Variants in CDH12 observed in about 807,000 individuals in gnomAD.
CDH12 encodes the protein cadherin 12.
In CDH12, 41 loss-of-function variants were observed where a neutral mutation model predicts 74.1. The ratio of observed to expected loss-of-function variants is 0.55; its 90% CI spans 0.43 to 0.72. The LOEUF (loss-of-function observed/expected upper bound fraction) is 0.72. Among genes scored for constraint, CDH12 ranks in the 30% least tolerant of loss-of-function variants. The pLI, the probability that CDH12 is intolerant of heterozygous loss-of-function variation, is 0.00. For synonymous variants in CDH12, 399 were observed against 355.0 expected (o/e 1.12, Z -1.39); for missense variants, 945 against 977.2 (o/e 0.97, Z 0.44).
intron 2 of CDH12, among the ~76,000 whole-genome samples, chr5:22,432,303 T>C (rs534883616): frequency 2.2e-4 from 33 of 152,238 alleles, no homozygotes; most frequent in Non-Finnish European, 3.2e-4. Context: ...TAGTAGGCTA[T>C]ACCAGCTAAG....
At position 22,009,248 on chromosome 5, in the gene CDH12, C is replaced by T. The variant is rs139661082; in HGVS notation, c.232-33863G>A. Among the ~76,000 whole-genome samples the T allele has an allele frequency of 7.0e-3, 1,064 of 152,304 alleles. 19 individuals are homozygous for T. Among genetic ancestry groups the T allele is most frequent in the South Asian group, 0.061 (293 of 4,832 alleles). On this transcript the variant is annotated intron_variant, in intron 5 of 14. Coordinates refer to ENST00000382254, the MANE Select transcript of CDH12 (RefSeq NM_004061.5). ...TGAATAAGCGAAACAGAATTAATAA[C>T]GCCAGCTCATCCTTGTAGGATGTGC...
rs546556904 is a variant in CDH12 at position 22,310,453 on chromosome 5, ACT to A, written c.-333+94802_-333+94803del. 3.5e-4 allele frequency among the ~76,000 whole-genome samples: 42 copies of A among 119,104 alleles called. 1 individual carries two copies. The South Asian group carries it at 0.011, about 31-fold the overall frequency. 78.1% of individuals were successfully genotyped at this position (119,104 alleles called of 152,430 possible). On this transcript the variant is annotated intron_variant, in intron 3 of 14. Transcript: ENST00000382254. ...ACTCCAGCCTGGGTGACAGAGTGAG[ACT>A]CTGTCTCAAAAAAAAAAAAATGGCA...
At chr5:22,752,430 T>C (rs1468297296) in intron 1 of CDH12, among the ~76,000 whole-genome samples, 1 of 151,734 alleles carries the variant, frequency 6.6e-6, no homozygotes, top group Non-Finnish European at 1.5e-5. Context: ...ATTTGTTGAA[T>C]TTAGTGGAAC....
intron 1 of CDH12, among the ~76,000 whole-genome samples, chr5:22,832,499 A>C (rs985526747): frequency 7.2e-5 from 11 of 152,110 alleles, no homozygotes; most frequent in African/African-American, 2.7e-4. Flanking sequence ...TGCTCAGAGA[A>C]AATGTATGGG....
chr5:22,627,430 T>C (rs1738356363), intron 1 of CDH12, among the ~76,000 whole-genome samples: 1 of 144,202 alleles, frequency 6.9e-6, no homozygotes, highest in African/African-American at 2.6e-5. Flanking sequence ...ATTGTGTGCC[T>C]ATATTCACTA....
chr5:22,372,213 G>A lies in CDH12; in HGVS notation c.-333+33044C>T, dbSNP rs559313354. ...CAGTGTATGCCTCTTGCTTGGAGAGGAACTGAAATAGCAAGTAGATATTGA... is the reference window on the plus strand; with the variant it reads ...CAGTGTATGCCTCTTGCTTGGAGAGAAACTGAAATAGCAAGTAGATATTGA... On this transcript the variant is annotated intron_variant, in intron 3 of 14. Coordinates refer to ENST00000382254, the MANE Select transcript of CDH12 (RefSeq NM_004061.5). 2.6e-5 allele frequency among the ~76,000 whole-genome samples: 4 copies of A among 152,194 alleles called. 1 individual carries two copies. In the South Asian group the frequency reaches 8.3e-4, roughly 32 times the overall value.
intron 4 of CDH12, among the ~76,000 whole-genome samples, chr5:22,182,115 C>T (rs987207055): frequency 6.6e-6 from 1 of 152,006 alleles, no homozygotes; most frequent in Non-Finnish European, 1.5e-5. Flanking sequence ...GTTTTTACGA[C>T]CTGAACAATT....
intron 2 of CDH12, among the ~76,000 whole-genome samples, chr5:22,453,617 G>A (rs1745140955): frequency 6.6e-6 from 1 of 152,052 alleles, no homozygotes; most frequent in Admixed American, 6.6e-5. Flanking sequence ...TGGTTAATAG[G>A]TACAAAGTTA....
chr5:22,134,615 T>A (rs1034649088), intron 4 of CDH12, among the ~76,000 whole-genome samples: 1 of 145,922 alleles, frequency 6.9e-6, no homozygotes, highest in East Asian at 2.0e-4. Context: ...TACAAGAAAG[T>A]GTCTTTTCTT....
chr5:22,766,759 T>C (rs1746536583), intron 1 of CDH12, among the ~76,000 whole-genome samples: 1 of 152,122 alleles, frequency 6.6e-6, no homozygotes, highest in Admixed American at 6.6e-5. Context: ...AACATTATAG[T>C]ACCAATTATT....
intron 5 of CDH12, among the ~76,000 whole-genome samples, chr5:22,023,763 T>C (rs138788575): frequency 6.6e-6 from 1 of 152,292 alleles, no homozygotes; most frequent in Non-Finnish European, 1.5e-5. Flanking sequence ...TCATAAATTT[T>C]AGAGGTTAAA....
At chr5:22,784,699 A>G (rs889419017) in intron 1 of CDH12, among the ~76,000 whole-genome samples, 1 of 152,102 alleles carries the variant, frequency 6.6e-6, no homozygotes, top group Admixed American at 6.6e-5. Context: ...TATAAACTCC[A>G]TTATTGTATT....
intron 2 of CDH12, among the ~76,000 whole-genome samples, chr5:22,504,921 A>G (rs1007328708): frequency 2.0e-5 from 3 of 152,062 alleles, no homozygotes; most frequent in Non-Finnish European, 4.4e-5. Context: ...AAAAAACAGA[A>G]TAAAAAAGGC....
chr5:21,936,393 CTT>C (rs968299453), intron 6 of CDH12, among the ~76,000 whole-genome samples: 4 of 151,998 alleles, frequency 2.6e-5, no homozygotes, highest in Admixed American at 2.0e-4. Flanking sequence ...TTCATTCACT[CTT>C]TTATTTTTTT....
chr5:21,968,031 A>G (rs187005919), intron 6 of CDH12, among the ~76,000 whole-genome samples: 2,013 of 152,306 alleles, frequency 0.013, 14 homozygotes, highest in African/African-American at 0.024. Flanking sequence ...GTAAATTGGG[A>G]TAGAAGGTCA....
chr5:22,776,672 T>G (rs1747120607), intron 1 of CDH12, among the ~76,000 whole-genome samples: 1 of 152,202 alleles, frequency 6.6e-6, no homozygotes, highest in Non-Finnish European at 1.5e-5. Context: ...TTTAGAACTG[T>G]GATAAAGACG....
At chr5:22,219,199 C>A (rs958403817) in intron 3 of CDH12, among the ~76,000 whole-genome samples, 1 of 151,664 alleles carries the variant, frequency 6.6e-6, no homozygotes, top group Non-Finnish European at 1.5e-5. Flanking sequence ...CAATAAATTA[C>A]GAGAAATTAT....
In CDH12 at chr5:22,406,714, C is replaced by A. The variant is rs1027867115; in HGVS notation, c.-427-1363G>T. Among the ~76,000 whole-genome samples the A allele has an allele frequency of 7.2e-5, 11 of 152,066 alleles. No individual in the cohort carries two copies. In the East Asian group the frequency reaches 1.9e-3, roughly 27 times the overall value. ...ATTAGAGAGACTGATAGTAGCTAAGCATGTGGTAATACAGATAAATTTCAT... is the reference window on the plus strand; with the variant it reads ...ATTAGAGAGACTGATAGTAGCTAAGAATGTGGTAATACAGATAAATTTCAT... On this transcript the variant is annotated intron_variant, in intron 2 of 14. Coordinates refer to ENST00000382254, the MANE Select transcript of CDH12 (RefSeq NM_004061.5).
intron 8 of CDH12, among the ~76,000 whole-genome samples, chr5:21,831,714 G>C (rs1749031994): frequency 6.6e-6 from 1 of 151,632 alleles, no homozygotes. Flanking sequence ...TGATTCTCGG[G>C]GGATTGTCAA....
Sources: gnomAD v4.1 joint callset for allele counts (sites outside exome capture counted in the v4.1 genomes callset) on GRCh38, gnomAD v4.1.1 for gene constraint, MANE v1.5 for transcripts, NCBI Gene and HGNC (gene_info 2026-07-23, HGNC 2026-07-21) for gene names.